Variants in PHACTR1 observed in about 807,000 individuals in gnomAD.
PHACTR1 encodes phosphatase and actin regulator 1.
Under a neutral mutation model 69.2 loss-of-function variants are expected in PHACTR1, and 16 were observed. That is an observed-to-expected ratio of 0.23 (90% CI 0.16 to 0.35). The LOEUF (loss-of-function observed/expected upper bound fraction) is 0.35, where lower values mean the gene tolerates loss of function less well. PHACTR1 is among the 10% of genes least tolerant of loss of function. The pLI, the probability that PHACTR1 is intolerant of heterozygous loss-of-function variation, is 1.00. For synonymous variants in PHACTR1, 312 were observed against 284.5 expected, an observed-to-expected ratio of 1.10 and a Z score of -0.97; for missense variants, 510 against 734.7, an observed-to-expected ratio of 0.69 and a Z score of 3.54.
At chr6:12,969,446 C>T (rs903569741) in intron 4 of PHACTR1, among the ~76,000 whole-genome samples, 5 of 152,080 alleles carry the variant, frequency 3.3e-5, no homozygotes, top group African/African-American at 1.2e-4. Flanking sequence ...TCACCCCTGC[C>T]GAGGGTATTC....
chr6:12,793,117 A>G (rs1054405989), intron 4 of PHACTR1, among the ~76,000 whole-genome samples: 2 of 152,162 alleles, frequency 1.3e-5, no homozygotes, highest in African/African-American at 2.4e-5. Flanking sequence ...TAATGTTTTT[A>G]TTCTTTGCTG....
At chr6:12,982,556 G>C (rs1277420061) in intron 4 of PHACTR1, among the ~76,000 whole-genome samples, 2 of 152,268 alleles carry the variant, frequency 1.3e-5, no homozygotes, top group East Asian at 3.9e-4. Flanking sequence ...GCAAGCCCCT[G>C]CAATCCCAGC....
At chr6:12,905,221 C>A (rs553380782) in intron 4 of PHACTR1, among the ~76,000 whole-genome samples, 1 of 152,222 alleles carries the variant, frequency 6.6e-6, no homozygotes, top group South Asian at 2.1e-4. Flanking sequence ...ATGGAGCTAA[C>A]GGGGTGCAGG....
At chr6:13,178,776 A>G (rs907948454) in intron 6 of PHACTR1, among the ~76,000 whole-genome samples, 6 of 152,182 alleles carry the variant, frequency 3.9e-5, no homozygotes, top group South Asian at 2.1e-4. Flanking sequence ...ATAATTTCCA[A>G]CACTCAGTGA....
intron 4 of PHACTR1, among the ~76,000 whole-genome samples, chr6:12,852,930 A>G (rs59402659): frequency 0.21 from 32,592 of 152,062 alleles, 3,894 homozygotes; most frequent in Middle Eastern, 0.34. Flanking sequence ...TGAGTACCCA[A>G]ATTCATCACC....
intron 4 of PHACTR1, among the ~76,000 whole-genome samples, chr6:12,929,815 A>G (rs756850347): frequency 1.3e-5 from 2 of 152,322 alleles, no homozygotes; most frequent in Non-Finnish European, 2.9e-5. Flanking sequence ...CCTTCATTCA[A>G]GCGTGTCAGA....
chr6:13,018,039 T>C (rs1800434002), intron 4 of PHACTR1, among the ~76,000 whole-genome samples: 1 of 152,182 alleles, frequency 6.6e-6, no homozygotes, highest in African/African-American at 2.4e-5. Context: ...CCAAGTTTTG[T>C]TTTAGGGATT....
At chr6:12,916,924 A>G (rs191391889) in intron 4 of PHACTR1, among the ~76,000 whole-genome samples, 2 of 152,016 alleles carry the variant, frequency 1.3e-5, no homozygotes, top group Non-Finnish European at 2.9e-5. Flanking sequence ...ATGAATGACT[A>G]ATGTTTTTTT....
At chr6:12,904,455 A>G (rs899816927) in intron 4 of PHACTR1, among the ~76,000 whole-genome samples, 14 of 149,624 alleles carry the variant, frequency 9.4e-5, no homozygotes, top group Non-Finnish European at 1.6e-4. Flanking sequence ...AATTGCTTGA[A>G]CCCGGGAGGC....
intron 4 of PHACTR1, among the ~76,000 whole-genome samples, chr6:13,043,519 G>A (rs1804532744): frequency 6.6e-6 from 1 of 152,200 alleles, no homozygotes. Context: ...TGGCCATGCA[G>A]GCCAGATGCT....
chr6:12,910,439 T>C (rs1423812274), intron 4 of PHACTR1, among the ~76,000 whole-genome samples: 1 of 152,232 alleles, frequency 6.6e-6, no homozygotes, highest in African/African-American at 2.4e-5. Flanking sequence ...ATGCATATAG[T>C]ACTTGTTTTG....
chr6:13,210,080 T>C (rs1367039675), intron 8 of PHACTR1, among the ~76,000 whole-genome samples: 1 of 152,202 alleles, frequency 6.6e-6, no homozygotes, highest in Non-Finnish European at 1.5e-5. Flanking sequence ...TGATCATGTC[T>C]CTCTGCGGTC....
intron 7 of PHACTR1, among the ~76,000 whole-genome samples, chr6:13,194,888 T>A (rs1764154046): frequency 6.6e-6 from 1 of 152,074 alleles, no homozygotes; most frequent in South Asian, 2.1e-4. Flanking sequence ...GCCCTTGAGG[T>A]TATGATTCCA....
intron 5 of PHACTR1, among the ~76,000 whole-genome samples, chr6:13,124,162 C>G (rs191248012): frequency 2.0e-5 from 3 of 152,292 alleles, no homozygotes; most frequent in Admixed American, 1.3e-4. Context: ...CTAAGCAGGT[C>G]TCCCTCCCCA....
At chr6:13,165,176 T>A (rs1210370926) in intron 6 of PHACTR1, among the ~76,000 whole-genome samples, 3 of 152,192 alleles carry the variant, frequency 2.0e-5, no homozygotes, top group African/African-American at 7.2e-5. Flanking sequence ...CTCATTTTCC[T>A]GATTTTCTAC....
At chr6:12,976,831 AT>A (rs1287461015) in intron 4 of PHACTR1, among the ~76,000 whole-genome samples, 2 of 152,070 alleles carry the variant, frequency 1.3e-5, no homozygotes, top group Non-Finnish European at 2.9e-5. Context: ...CACGTAACTG[AT>A]TTTACTTAAT....
chr6:13,032,394 A>G (rs1375269497), intron 4 of PHACTR1, among the ~76,000 whole-genome samples: 1 of 152,208 alleles, frequency 6.6e-6, no homozygotes, highest in Non-Finnish European at 1.5e-5. Flanking sequence ...GAAGACCTAT[A>G]TAAACAAATG....
intron 4 of PHACTR1, among the ~76,000 whole-genome samples, chr6:12,814,341 G>T (rs115026013): frequency 2.4e-3 from 365 of 152,296 alleles, no homozygotes; most frequent in African/African-American, 8.2e-3. Context: ...TCAATGTCCC[G>T]ATCTTCATTA....
At chr6:13,062,268 C>A (rs1174458184) in intron 5 of PHACTR1, among the ~76,000 whole-genome samples, 2 of 152,200 alleles carry the variant, frequency 1.3e-5, no homozygotes, top group Admixed American at 1.3e-4. Context: ...CTCCCTAAGA[C>A]CCCTCTGCCT....
Sources: allele counts gnomAD v4.1 joint callset (sites outside exome capture counted in the v4.1 genomes callset), GRCh38; gene constraint gnomAD v4.1.1; transcripts MANE v1.5; gene names NCBI Gene and HGNC (gene_info 2026-07-23, HGNC 2026-07-21).